The following HS3ST5 variants were observed in gnomAD, a reference collection of about 807,000 sequenced individuals.
HS3ST5 encodes the protein heparan sulfate-glucosamine 3-sulfotransferase 5.
Under a neutral mutation model 25.4 loss-of-function variants are expected in HS3ST5, and 10 were observed. That is an observed-to-expected ratio of 0.39 (90% CI 0.24 to 0.67). The LOEUF is 0.67. Ranked by LOEUF, HS3ST5 falls within the 30% of genes least tolerant of loss-of-function variation. The pLI, the probability that HS3ST5 is intolerant of heterozygous loss-of-function variation, is 0.44. For missense variants in HS3ST5, 324 were observed against 420.7 expected (o/e 0.77, Z 2.01); for synonymous variants, 170 against 162.4 (o/e 1.05, Z -0.36).
intron 3 of HS3ST5, among the ~76,000 whole-genome samples, chr6:114,101,507 A>G (rs1296553090): frequency 2.0e-5 from 3 of 152,182 alleles, no homozygotes; most frequent in Non-Finnish European, 2.9e-5. Flanking sequence ...GCCTGTGGGT[A>G]TATCAAAAGC....
At chr6:114,064,255 C>A (rs527994756) in intron 3 of HS3ST5, among the ~76,000 whole-genome samples, 26 of 152,280 alleles carry the variant, frequency 1.7e-4, no homozygotes, top group African/African-American at 5.8e-4. Context: ...TCTATTCATT[C>A]ATTATTCAAG....
At position 114,187,818 on chromosome 6, in the gene HS3ST5, A is replaced by G. The variant is rs1780296683; in HGVS notation, c.-144-19356T>C. Reference sequence around the variant, plus strand: ...ATGTGGCCAAGTTTACTGTTGTCTTATTTTAAGAAATTGCCACAGCCACCC... The same window carrying G: ...ATGTGGCCAAGTTTACTGTTGTCTTGTTTTAAGAAATTGCCACAGCCACCC... On this transcript the variant is annotated intron_variant, in intron 2 of 4. Transcript: ENST00000312719. Among the ~76,000 whole-genome samples, 3 of 152,224 alleles carry G rather than the reference A, an allele frequency of 2.0e-5. 1 individual carries two copies. The South Asian group carries it at 6.2e-4, about 32-fold the overall frequency.
chr6:114,173,061 C>A (rs750677946), intron 2 of HS3ST5, among the ~76,000 whole-genome samples: 49 of 152,278 alleles, frequency 3.2e-4, no homozygotes, highest in Non-Finnish European at 7.1e-4. Flanking sequence ...TTAAACAGGT[C>A]GGGTTCTTTT....
chr6:114,116,777 G>A (rs1479987792), intron 3 of HS3ST5, among the ~76,000 whole-genome samples: 2 of 151,966 alleles, frequency 1.3e-5, no homozygotes, highest in Non-Finnish European at 2.9e-5. Flanking sequence ...TACTTAATGA[G>A]TTTAAGTAAT....
chr6:114,070,846 G>A (rs1437411943), intron 3 of HS3ST5, among the ~76,000 whole-genome samples: 2 of 152,194 alleles, frequency 1.3e-5, no homozygotes, highest in Non-Finnish European at 2.9e-5. Context: ...GCCATCACTT[G>A]TGACTGCCTT....
intron 2 of HS3ST5, among the ~76,000 whole-genome samples, chr6:114,215,596 C>T (rs1781719092): frequency 6.6e-6 from 1 of 152,070 alleles, no homozygotes; most frequent in African/African-American, 2.4e-5. Flanking sequence ...ATGCCTTTTG[C>T]CTTTTGTATG....
intron 1 of HS3ST5, among the ~76,000 whole-genome samples, chr6:114,340,079 AG>A (rs1776763438): frequency 6.6e-6 from 1 of 152,210 alleles, no homozygotes; most frequent in Admixed American, 6.5e-5. Context: ...TCAGTGAGTA[AG>A]AAGGTTATTC....
At chr6:114,067,459 C>T (rs1165327572) in intron 3 of HS3ST5, among the ~76,000 whole-genome samples, 1 of 152,192 alleles carries the variant, frequency 6.6e-6, no homozygotes, top group Non-Finnish European at 1.5e-5. Context: ...AAAAAACTGT[C>T]AGCATCCAAT....
chr6:114,188,135 C>T (rs894251900), intron 2 of HS3ST5, among the ~76,000 whole-genome samples: 19 of 152,112 alleles, frequency 1.2e-4, no homozygotes, highest in Non-Finnish European at 2.5e-4. Context: ...TACGCCTGTA[C>T]TTTGTTATGG....
At chr6:114,165,169 A>G (rs1779150598) in intron 3 of HS3ST5, among the ~76,000 whole-genome samples, 1 of 152,200 alleles carries the variant, frequency 6.6e-6, no homozygotes, top group African/African-American at 2.4e-5. Flanking sequence ...ACAGGGCTCC[A>G]TATGCAACAG....
At chr6:114,120,431 C>A (rs555899066) in intron 3 of HS3ST5, among the ~76,000 whole-genome samples, 26 of 152,282 alleles carry the variant, frequency 1.7e-4, no homozygotes, top group Non-Finnish European at 3.5e-4. Flanking sequence ...ATTCTTTCAA[C>A]CATACTTTGA....
intron 1 of HS3ST5, among the ~76,000 whole-genome samples, chr6:114,329,818 G>T (rs939245611): frequency 6.6e-6 from 1 of 152,102 alleles, no homozygotes; most frequent in Non-Finnish European, 1.5e-5. Context: ...TTATCTTGTT[G>T]TAGGTCTCAA....
chr6:114,246,441 C>T (rs1772382775), intron 1 of HS3ST5, among the ~76,000 whole-genome samples: 1 of 152,154 alleles, frequency 6.6e-6, no homozygotes, highest in Non-Finnish European at 1.5e-5. Context: ...ATACATTTTG[C>T]AAGCTTTAAC....
intron 2 of HS3ST5, among the ~76,000 whole-genome samples, chr6:114,181,089 T>G (rs1476648998): frequency 6.6e-6 from 1 of 152,182 alleles, no homozygotes; most frequent in Non-Finnish European, 1.5e-5. Flanking sequence ...TGTAGTCAAG[T>G]TATTCTTCTG....
chr6:114,248,699 C>A (rs1318618798), intron 1 of HS3ST5, among the ~76,000 whole-genome samples: 1 of 152,142 alleles, frequency 6.6e-6, no homozygotes, highest in African/African-American at 2.4e-5. Flanking sequence ...CAGACAAGGT[C>A]TCTTCTTTCA....
chr6:114,216,728 T>TAAAAAA (rs760077446), intron 2 of HS3ST5, among the ~76,000 whole-genome samples: 3 of 90,158 alleles, frequency 3.3e-5, no homozygotes, highest in African/African-American at 8.4e-5. Flanking sequence ...TCGTCCTCCT[T>TAAAAAA]AAAAAAAAAA....
chr6:114,115,264 A>G (rs1439724997), intron 3 of HS3ST5, among the ~76,000 whole-genome samples: 1 of 152,118 alleles, frequency 6.6e-6, no homozygotes, highest in African/African-American at 2.4e-5. Context: ...AGAAAACTAT[A>G]AAAGTCTCTC....
chr6:114,201,611 C>T (rs1298711697), intron 2 of HS3ST5, among the ~76,000 whole-genome samples: 7 of 152,174 alleles, frequency 4.6e-5, no homozygotes, highest in South Asian at 4.1e-4. Flanking sequence ...GCATTCCTCA[C>T]GTTCTTCAAG....
intron 2 of HS3ST5, among the ~76,000 whole-genome samples, chr6:114,215,927 A>G (rs1018147098): frequency 2.0e-5 from 3 of 152,154 alleles, no homozygotes; most frequent in African/African-American, 7.2e-5. Context: ...GGTGGGATCT[A>G]ATTACTGACA....
Sources: allele counts gnomAD v4.1 joint callset (sites outside exome capture counted in the v4.1 genomes callset), GRCh38; gene constraint gnomAD v4.1.1; transcripts MANE v1.5; gene names NCBI Gene and HGNC (gene_info 2026-07-23, HGNC 2026-07-21).